Variants in RYR1 observed in about 807,000 individuals in gnomAD.
RYR1 encodes central core disease of muscle.
Under a neutral mutation model 583.5 loss-of-function variants are expected in RYR1, and 342 were observed. The observed-to-expected ratio is 0.59, with a 90% CI of 0.54 to 0.64. The LOEUF is 0.64. RYR1 is among the 30% of genes least tolerant of loss of function. The pLI, the probability that RYR1 is intolerant of heterozygous loss-of-function variation, is 0.00. For missense variants in RYR1, 6,032 were observed against 6,917.2 expected, an observed-to-expected ratio of 0.87 and a Z score of 4.54; for synonymous variants, 2,791 against 2,822.5, an observed-to-expected ratio of 0.99 and a Z score of 0.35.
intron 65 of RYR1, among the ~76,000 whole-genome samples, chr19:38,517,134 A>C (rs1971004770): frequency 6.6e-6 from 1 of 151,622 alleles, no homozygotes; most frequent in Non-Finnish European, 1.5e-5. Context: ...GATTTTAGGG[A>C]GCAGACAGGC....
rs757850226 is a variant in RYR1 at position 38,460,564 on chromosome 19, C to T, written c.2550C>T (p.Phe850=). The change falls in exon 20 of 106, where the codon TTC becomes TTT. Residue 850 remains phenylalanine (F), a synonymous_variant. Coordinates refer to ENST00000359596, the MANE Select transcript of RYR1 (RefSeq NM_000540.3). ...GTCGCTGCCTCTCACACACCGACTT[C>T]GTGCCCTGCCCTGTGGACACTGTCC... ...GPSRCLSHTD[F]VPCPVDTVQI... 12 of 1,613,064 alleles carry T rather than the reference C, an allele frequency of 7.4e-6. No homozygotes were observed. The highest frequency in any genetic ancestry group is 1.7e-4 in the Middle Eastern group (1 of 6,044).
chr19:38,445,951 C>T (rs1028338584), intron 7 of RYR1, among the ~76,000 whole-genome samples: 6 of 152,136 alleles, frequency 3.9e-5, no homozygotes, highest in Non-Finnish European at 5.9e-5. Context: ...TGCACCACTG[C>T]ACTGCAGCCT....
At chr19:38,535,963 C>T (rs1365842831) in intron 81 of RYR1, 34 bp from the exon 82 acceptor site, 2 of 1,602,084 alleles carry the variant, frequency 1.2e-6, no homozygotes, top group Non-Finnish European at 1.7e-6. Context: ...GAGGCTTCAT[C>T]ACATACCCCC....
At chr19:38,515,717 G>A (rs1024616771) in intron 64 of RYR1, among the ~76,000 whole-genome samples, 1 of 152,086 alleles carries the variant, frequency 6.6e-6, no homozygotes, top group African/African-American at 2.4e-5. Flanking sequence ...AGGCTGAGAT[G>A]GGGGGATCGC....
chr19:38,567,979 A>G (rs1307674396), intron 93 of RYR1, 62 bp downstream of exon 93: 8 of 1,571,904 alleles, frequency 5.1e-6, no homozygotes, highest in Non-Finnish European at 7.0e-6. Flanking sequence ...TCTGGTGCCC[A>G]CCTCTCCTGC....
chr19:38,447,328 G>A (rs953123963), intron 9 of RYR1, among the ~76,000 whole-genome samples: 1 of 151,982 alleles, frequency 6.6e-6, no homozygotes, highest in Non-Finnish European at 1.5e-5. Flanking sequence ...ATCACTTGAG[G>A]TCAGGAGTTC....
At chr19:38,521,630 G>A (rs1163792704) in intron 67 of RYR1, among the ~76,000 whole-genome samples, 1 of 144,508 alleles carries the variant, frequency 6.9e-6, no homozygotes, top group East Asian at 2.1e-4. Context: ...CTGGGAGGCA[G>A]AAGTTGCAGT....
rs193922816 is a variant in RYR1 at position 38,500,642 on chromosome 19, C to T, written c.7360C>T (p.Arg2454Cys). ...QAGKGEALRI[R>C]AILRSLVPLE... The stretch of plus-strand genomic sequence containing the variant: ...CGGCAAGGGTGAGGCCCTGCGGATC[C>T]GCGCCATCCTCCGCTCCCTTGTGCC... Residue 2454 changes from arginine to cysteine, a missense_variant, in exon 46 of 106, where the codon CGC (arginine) becomes TGC (cysteine). Transcript: ENST00000359596. This position sits in a 1 kb window ranked among gnomAD's most constrained non-coding sequence, Gnocchi z 5.9. 6.8e-6 allele frequency: 11 copies of T among 1,613,650 alleles called. No homozygotes were observed. The highest frequency in any genetic ancestry group is 3.3e-5 in the South Asian group (3 of 91,072).
chr19:38,502,477 C>G, intron 47 of RYR1, 30 bp from the exon 48 acceptor site: 1 of 1,583,528 alleles, frequency 6.3e-7, no homozygotes. Flanking sequence ...GGGTGTGCAG[C>G]GGGCCTGATG....
chr19:38,575,825 C>T, intron 96 of RYR1, 94 bp from the exon 97 acceptor site: 2 of 1,326,032 alleles, frequency 1.5e-6, no homozygotes, highest in Non-Finnish European at 2.2e-6. Context: ...AAAAGAAAAA[C>T]AGTGGAGTTT....
At position 38,455,237 on chromosome 19, in the gene RYR1, G is replaced by A. The variant is rs752598324; in HGVS notation, c.1443G>A (p.Gly481=). Residue 481 remains glycine, a splice_region_variant and synonymous_variant, in exon 14 of 106, where the codon GGG becomes GGA. Coordinates refer to ENST00000359596, the MANE Select transcript of RYR1 (RefSeq NM_000540.3). ...RNRQSLFQEE[G]MLSMVLNCID... is the part of the protein sequence containing the mutation. ...GCCTCTTATTTTCCTCATCCTAGGG[G>A]ATGCTCTCCATGGTCCTGAATTGCA... 1.2e-6 allele frequency: 2 copies of A among 1,614,088 alleles called. No homozygotes were observed. The highest frequency in any genetic ancestry group is 1.7e-6 in the Non-Finnish European group (2 of 1,179,966).
intron 24 of RYR1, 104 bp downstream of exon 24, chr19:38,466,502 T>A: frequency 1.2e-3 from 176 of 150,956 alleles, no homozygotes; most frequent in Non-Finnish European, 2.0e-3. Context: ...GGGCTATATC[T>A]TTTTTTTTTT....
At position 38,494,440 on chromosome 19, in the gene RYR1, C is replaced by T; in HGVS notation, c.6363C>T (p.Phe2121=). The change falls in exon 39 of 106, where the codon TTC becomes TTT. Residue 2121 remains phenylalanine (F), a synonymous_variant. Coordinates refer to ENST00000359596, the MANE Select transcript of RYR1 (RefSeq NM_000540.3). ...VQSPELVRAM[F]SLLHRQYDGL... The stretch of plus-strand genomic sequence containing the variant: ...GCCCCGAGCTGGTGCGGGCCATGTT[C>T]AGCCTCCTGCACCGGCAGTACGACG... The T allele has an allele frequency of 6.2e-7, 1 of 1,612,490 alleles. No individual in the cohort carries two copies. The highest frequency in any genetic ancestry group is 8.5e-7 in the Non-Finnish European group (1 of 1,180,036).
At chr19:38,446,859 TAA>T in intron 9 of RYR1, 91 bp downstream of exon 9, 1 of 1,019,332 alleles carries the variant, frequency 9.8e-7, no homozygotes, top group African/African-American at 1.6e-5. Flanking sequence ...GAAGATCTGA[TAA>T]AGAGACTGAA....
chr19:38,483,105 A>C lies in RYR1; in HGVS notation c.4699A>C (p.Lys1567Gln). 2 of 1,613,930 alleles carry C rather than the reference A, an allele frequency of 1.2e-6. No individual in the cohort carries two copies. Among genetic ancestry groups the C allele is most frequent in the Non-Finnish European group, 1.7e-6 (2 of 1,179,940 alleles). The change falls in exon 32 of 106, where the codon AAG becomes CAG. Residue 1567 changes from lysine to glutamine, a missense_variant. Lys to Gln is a moderately conservative substitution (Grantham distance 53). Around this residue, in one of 11 missense-constraint regions of RYR1, gnomAD observed 2,627 missense variants for 2,961.3 expected, o/e 0.89. Coordinates refer to ENST00000359596, the MANE Select transcript of RYR1 (RefSeq NM_000540.3). The surrounding 1 kb of genome is among the most constrained non-coding windows in gnomAD (Gnocchi z 6.3). Reference sequence around the variant, plus strand: ...GAACGTCATCCAGTTTGAGCTGGGGAAGCAGAAGGTACAAGTGCAGTGATG... The same window carrying C: ...GAACGTCATCCAGTTTGAGCTGGGGCAGCAGAAGGTACAAGTGCAGTGATG... ...HQNVIQFELG[K>Q]QKNIMPLSAA...
At chr19:38,452,253 A>G (rs1250582974) in intron 12 of RYR1, among the ~76,000 whole-genome samples, 1 of 151,916 alleles carries the variant, frequency 6.6e-6, no homozygotes, top group Non-Finnish European at 1.5e-5. Context: ...CCTGAGCAAT[A>G]TAGTGAAACC....
At chr19:38,463,343 C>T (rs113361092) in intron 20 of RYR1, 80 bp from the exon 21 acceptor site, 1 of 1,225,918 alleles carries the variant, frequency 8.2e-7, no homozygotes, top group Non-Finnish European at 1.2e-6. Flanking sequence ...CCAGGGCTCA[C>T]AGGTGTTCTT....
chr19:38,480,568 G>C (rs964213489), intron 31 of RYR1, among the ~76,000 whole-genome samples: 1 of 151,970 alleles, frequency 6.6e-6, no homozygotes, highest in African/African-American at 2.4e-5. Flanking sequence ...TGATCTTAAA[G>C]AGCATAACCA....
At position 38,434,068 on chromosome 19, in the gene RYR1, T is replaced by TG. The variant is rs199896464; in HGVS notation, c.45+198dup. The stretch of plus-strand genomic sequence containing the variant: ...TCTCACTACAGAGAATTAGTAGGAT[T>TG]GGGGACTCCAGAATGGGAAAGGGAT... On this transcript the variant is annotated intron_variant, in intron 1 of 105. Transcript: ENST00000359596. 6.5e-3 allele frequency among the ~76,000 whole-genome samples: 988 copies of TG among 152,186 alleles called. 21 individuals carry two copies. The highest frequency in any genetic ancestry group is 0.033 in the Admixed American group (506 of 15,276).
Sources: allele counts gnomAD v4.1 joint callset (sites outside exome capture counted in the v4.1 genomes callset), GRCh38; gene constraint gnomAD v4.1.1; regional missense constraint gnomAD v4.1.1; non-coding constraint Gnocchi (gnomAD v3.1); transcripts MANE v1.5; gene names NCBI Gene and HGNC (gene_info 2026-07-23, HGNC 2026-07-21).